GRID1: variants seen among roughly 807,000 people sequenced by gnomAD.
The protein encoded by GRID1 is glutamate ionotropic receptor delta type subunit 1, also known as glutamate receptor ionotropic, delta-1.
Under a neutral mutation model 98.0 loss-of-function variants are expected in GRID1, and 28 were observed. That is an observed-to-expected ratio of 0.29 (90% CI 0.21 to 0.39). The LOEUF (loss-of-function observed/expected upper bound fraction) is 0.39, where lower values mean the gene tolerates loss of function less well. GRID1 is among the 10% of genes least tolerant of loss of function. GRID1 has a pLI of 1.00. For missense variants in GRID1, 1,111 were observed against 1,340.5 expected (o/e 0.83, Z 2.67); for synonymous variants, 553 against 538.5 (o/e 1.03, Z -0.37).
chr10:85,858,961 G>A (rs554139705), intron 6 of GRID1, among the ~76,000 whole-genome samples: 1 of 152,212 alleles, frequency 6.6e-6, no homozygotes, highest in Admixed American at 6.5e-5. Context: ...AGCAGGACAT[G>A]ACTCAGAAAG....
rs563044659 is a variant in GRID1 at position 86,071,845 on chromosome 10, CA to C, written c.726+66973del. 3.6e-4 allele frequency among the ~76,000 whole-genome samples: 55 copies of C among 152,250 alleles called. 1 individual carries two copies. The South Asian group carries it at 0.011, about 32-fold the overall frequency. On this transcript the variant is annotated intron_variant, in intron 4 of 15. Coordinates refer to ENST00000327946, the MANE Select transcript of GRID1 (RefSeq NM_017551.3). ...CAGACTACCATGAGAGGAACTGCCCCAGCCAGTGGGAGAGGTGGTCAGGAAC... is the reference window on the plus strand; with the variant it reads ...CAGACTACCATGAGAGGAACTGCCCCGCCAGTGGGAGAGGTGGTCAGGAAC...
Position 85,718,901 on chromosome 10 carries a change from T to C in GRID1, c.1997+4102A>G, listed in dbSNP as rs185726482. On this transcript the variant is annotated intron_variant, in intron 12 of 15. Coordinates refer to ENST00000327946, the MANE Select transcript of GRID1 (RefSeq NM_017551.3). The stretch of plus-strand genomic sequence containing the variant: ...CAAAACATGGGTGTTTCTTTTCTAC[T>C]GCTTTGTCAGGCAGCAAATTTTCTG... 2.0e-3 allele frequency among the ~76,000 whole-genome samples: 300 copies of C among 152,354 alleles called. 2 individuals are homozygous for C. The highest frequency in any genetic ancestry group is 6.8e-3 in the African/African-American group (284 of 41,586).
chr10:85,734,507 A>G (rs143620578), intron 8 of GRID1, among the ~76,000 whole-genome samples: 218 of 152,318 alleles, frequency 1.4e-3, no homozygotes, highest in African/African-American at 5.0e-3. Context: ...TTGCTTTAAT[A>G]CAGACTTCTG....
intron 4 of GRID1, among the ~76,000 whole-genome samples, chr10:86,104,585 C>A (rs866954611): frequency 1.3e-5 from 2 of 152,210 alleles, no homozygotes; most frequent in African/African-American, 2.4e-5. Flanking sequence ...AGCTCCTCTG[C>A]GGCCAGAGAA....
At chr10:86,266,186 C>G (rs1847099952) in intron 2 of GRID1, among the ~76,000 whole-genome samples, 1 of 152,078 alleles carries the variant, frequency 6.6e-6, no homozygotes, top group South Asian at 2.1e-4. Context: ...AGTGATCCTC[C>G]CCCTCCTGAT....
chr10:86,158,810 GGAATCAACTGAGA>G (rs1845281435), intron 3 of GRID1, among the ~76,000 whole-genome samples: 1 of 152,144 alleles, frequency 6.6e-6, no homozygotes, highest in Non-Finnish European at 1.5e-5. Context: ...GAAACGAGGT[GGAATCAACTGAGA>G]TCGGCTGTAA....
intron 8 of GRID1, among the ~76,000 whole-genome samples, chr10:85,818,836 G>C (rs1421053800): frequency 6.6e-6 from 1 of 152,038 alleles, no homozygotes; most frequent in Non-Finnish European, 1.5e-5. Flanking sequence ...TCGTGCCTCA[G>C]CCTCCTGAGT....
intron 3 of GRID1, among the ~76,000 whole-genome samples, chr10:86,149,398 G>A (rs1311149333): frequency 2.0e-5 from 3 of 152,226 alleles, no homozygotes; most frequent in African/African-American, 4.8e-5. Context: ...GTATGGGCAC[G>A]TTCACATGGT....
rs115054259 is a variant in GRID1 at position 86,115,645 on chromosome 10, G to C, written c.726+23174C>G. On this transcript the variant is annotated intron_variant, in intron 4 of 15. Transcript: ENST00000327946. ...TTAGACAGAATTCCAACTCAAGCCT[G>C]GGTCCTGACCCATTTGCTTAGCCAT... 4.4e-3 allele frequency among the ~76,000 whole-genome samples: 669 copies of C among 152,294 alleles called. 8 individuals are homozygous for C. The highest frequency in any genetic ancestry group is 0.015 in the African/African-American group (636 of 41,550).
At chr10:86,011,343 G>C (rs1289007469) in intron 4 of GRID1, among the ~76,000 whole-genome samples, 1 of 151,928 alleles carries the variant, frequency 6.6e-6, no homozygotes, top group Non-Finnish European at 1.5e-5. Flanking sequence ...TTTTTCATCT[G>C]CTATACCTAA....
At chr10:85,974,234 A>T (rs2131856868) in intron 4 of GRID1, among the ~76,000 whole-genome samples, 1 of 152,324 alleles carries the variant, frequency 6.6e-6, no homozygotes, top group Non-Finnish European at 1.5e-5. Flanking sequence ...AATATTTAGG[A>T]AAGAAATACC....
intron 4 of GRID1, among the ~76,000 whole-genome samples, chr10:85,975,167 G>A (rs376023879): frequency 1.3e-5 from 2 of 152,154 alleles, no homozygotes; most frequent in South Asian, 2.1e-4. Context: ...CTATCCAAAC[G>A]TTCTCTGTCT....
Position 85,888,025 on chromosome 10 carries a change from T to C in GRID1, c.781-18845A>G, listed in dbSNP as rs367884504. Among the ~76,000 whole-genome samples, 4 of 152,150 alleles carry C rather than the reference T, an allele frequency of 2.6e-5. No homozygotes were observed. In the South Asian group the frequency reaches 6.2e-4, roughly 24 times the overall value. On this transcript the variant is annotated intron_variant, in intron 5 of 15. Coordinates refer to ENST00000327946, the MANE Select transcript of GRID1 (RefSeq NM_017551.3). ...ATAGCAGACCATCCCAATTTTCAAT[T>C]AGCTCTTTACTGTTCCTCACCTCCA...
intron 8 of GRID1, among the ~76,000 whole-genome samples, chr10:85,729,815 G>A (rs968234010): frequency 6.6e-6 from 1 of 152,172 alleles, no homozygotes; most frequent in African/African-American, 2.4e-5. Flanking sequence ...CCTTCAGCTC[G>A]CCTGGATCTC....
At chr10:85,768,694 T>A (rs1022729889) in intron 8 of GRID1, among the ~76,000 whole-genome samples, 9 of 152,324 alleles carry the variant, frequency 5.9e-5, no homozygotes, top group African/African-American at 2.2e-4. Flanking sequence ...TGTGTTACCA[T>A]TTTTCACCTA....
intron 6 of GRID1, among the ~76,000 whole-genome samples, chr10:85,867,060 T>C (rs1450450072): frequency 6.6e-6 from 1 of 152,150 alleles, no homozygotes; most frequent in Admixed American, 6.5e-5. Context: ...GGCCCTCAGC[T>C]AGATTCCCCT....
rs75183966 is a variant in GRID1 at position 85,832,792 on chromosome 10, C to T, written c.1233+21704G>A. On this transcript the variant is annotated intron_variant, in intron 8 of 15. Transcript: ENST00000327946. ...TCCAACCAAGCAACAGAAGATGGTC[C>T]GGGTAGGCTCATTCTTCTCCCAGCC... Among the ~76,000 whole-genome samples, 780 of 152,212 alleles carry T rather than the reference C, an allele frequency of 5.1e-3. 9 individuals are homozygous for T. Among genetic ancestry groups the T allele is most frequent in the African/African-American group, 0.018 (734 of 41,536 alleles).
chr10:85,949,121 G>C (rs1388768470), intron 4 of GRID1, among the ~76,000 whole-genome samples: 3 of 152,150 alleles, frequency 2.0e-5, no homozygotes, highest in Admixed American at 6.5e-5. Flanking sequence ...ACAGGTGTGG[G>C]GTGCGGGAGG....
At chr10:86,153,752 C>G (rs1845203334) in intron 3 of GRID1, among the ~76,000 whole-genome samples, 1 of 152,126 alleles carries the variant, frequency 6.6e-6, no homozygotes, top group Non-Finnish European at 1.5e-5. Context: ...CTGCTAAGCC[C>G]CCAAATTAAA....
Sources: allele counts gnomAD v4.1 joint callset (sites outside exome capture counted in the v4.1 genomes callset), GRCh38; gene constraint gnomAD v4.1.1; transcripts MANE v1.5; gene names NCBI Gene and HGNC (gene_info 2026-07-23, HGNC 2026-07-21).